POU6F2: variants seen among roughly 807,000 people sequenced by gnomAD.
The protein encoded by POU6F2 is POU class 6 homeobox 2.
Under a neutral mutation model 71.3 loss-of-function variants are expected in POU6F2, and 31 were observed. The observed-to-expected ratio is 0.43, with a 90% CI of 0.33 to 0.59. The LOEUF (loss-of-function observed/expected upper bound fraction) is 0.59. Ranked by LOEUF, POU6F2 falls within the 20% of genes least tolerant of loss-of-function variation. POU6F2 has a pLI of 0.04. For missense variants in POU6F2, 783 were observed against 856.8 expected (o/e 0.91, Z 1.07); for synonymous variants, 347 against 355.7 (o/e 0.98, Z 0.27).
At chr7:39,180,201 T>C (rs1372990928) in intron 2 of POU6F2, among the ~76,000 whole-genome samples, 2 of 152,144 alleles carry the variant, frequency 1.3e-5, no homozygotes, top group African/African-American at 4.8e-5. Flanking sequence ...CCCAGGTGTG[T>C]ATCCATGCAT....
At chr7:39,291,267 T>C (rs1219775748) in intron 4 of POU6F2, among the ~76,000 whole-genome samples, 1 of 152,212 alleles carries the variant, frequency 6.6e-6, no homozygotes, top group Non-Finnish European at 1.5e-5. Flanking sequence ...AGTGAGATTA[T>C]TTGATAGCAT....
intron 4 of POU6F2, among the ~76,000 whole-genome samples, chr7:39,222,652 C>T (rs1794392735): frequency 6.6e-6 from 1 of 152,214 alleles, no homozygotes; most frequent in African/African-American, 2.4e-5. Flanking sequence ...GAAGTGGAAT[C>T]ATATAGTATT....
In POU6F2 at chr7:39,454,696, AT is replaced by A. The variant is rs1583617780; in HGVS notation, c.1489+2996del. ...TATATATATATATATATATATATAT[AT>A]ATATATATATATATATATATATATA... is the stretch of plus-strand genomic sequence containing the variant. On this transcript the variant is annotated intron_variant, in intron 8 of 9. Transcript: ENST00000518318. Among the ~76,000 whole-genome samples, 40 of 54,804 alleles carry A rather than the reference AT, an allele frequency of 7.3e-4. 3 individuals carry two copies. The highest frequency in any genetic ancestry group is 1.1e-3 in the Non-Finnish European group (31 of 27,804). The allele number at this position is 54,804 out of a possible 152,430, so 36.0% of individuals were successfully genotyped here.
chr7:39,151,657 C>G (rs138832194), intron 2 of POU6F2, among the ~76,000 whole-genome samples: 16 of 152,278 alleles, frequency 1.1e-4, no homozygotes, highest in African/African-American at 3.1e-4. Context: ...CTCTTTTCAT[C>G]TAACTCAAAT....
At chr7:39,066,938 G>T (rs1360988521) in intron 1 of POU6F2, among the ~76,000 whole-genome samples, 2 of 146,784 alleles carry the variant, frequency 1.4e-5, no homozygotes, top group Non-Finnish European at 3.0e-5. Flanking sequence ...TAATATAACA[G>T]AAATATACCA....
At chr7:39,303,807 G>A (rs1297150711) in intron 4 of POU6F2, among the ~76,000 whole-genome samples, 1 of 152,224 alleles carries the variant, frequency 6.6e-6, no homozygotes, top group Non-Finnish European at 1.5e-5. Context: ...CTAAGAAATT[G>A]TCTTATTAAT....
At chr7:39,081,914 T>G (rs1405000) in intron 1 of POU6F2, among the ~76,000 whole-genome samples, 100,907 of 152,022 alleles carry the variant, frequency 0.66, 34,118 homozygotes, top group East Asian at 0.89. Flanking sequence ...ATTGGCCAGG[T>G]TTGAAAATGC....
chr7:39,442,507 C>G (rs1198318498), intron 7 of POU6F2, among the ~76,000 whole-genome samples: 1 of 152,184 alleles, frequency 6.6e-6, no homozygotes, highest in Non-Finnish European at 1.5e-5. Context: ...TCTTCCTCAG[C>G]TTTATCCCAA....
intron 2 of POU6F2, among the ~76,000 whole-genome samples, chr7:39,114,593 G>C (rs769666247): frequency 1.3e-5 from 2 of 151,814 alleles, no homozygotes; most frequent in Non-Finnish European, 2.9e-5. Context: ...TTTTTTCTGG[G>C]TAAAAAAGAG....
At chr7:39,307,306 A>G (rs1050138857) in intron 4 of POU6F2, among the ~76,000 whole-genome samples, 26 of 152,254 alleles carry the variant, frequency 1.7e-4, no homozygotes, top group African/African-American at 6.3e-4. Flanking sequence ...TACCAAATTA[A>G]GAATACAAAA....
intron 5 of POU6F2, among the ~76,000 whole-genome samples, chr7:39,373,915 T>TA (rs1272960380): frequency 1.3e-5 from 2 of 152,188 alleles, no homozygotes; most frequent in East Asian, 3.9e-4. Flanking sequence ...TTTTGAAAAA[T>TA]AAAAAGATCT....
At chr7:39,259,966 C>T (rs1460900667) in intron 4 of POU6F2, among the ~76,000 whole-genome samples, 2 of 150,892 alleles carry the variant, frequency 1.3e-5, no homozygotes, top group Non-Finnish European at 3.0e-5. Flanking sequence ...GCACCACACA[C>T]ACACATACAC....
chr7:39,352,981 C>T (rs1786168006), intron 5 of POU6F2, among the ~76,000 whole-genome samples: 1 of 152,148 alleles, frequency 6.6e-6, no homozygotes, highest in Admixed American at 6.5e-5. Flanking sequence ...GATTTAGCTC[C>T]CACCTGTAAG....
chr7:39,064,014 AAGAC>A (rs768833523), intron 1 of POU6F2, among the ~76,000 whole-genome samples: 18 of 152,254 alleles, frequency 1.2e-4, no homozygotes, highest in Admixed American at 3.9e-4. Flanking sequence ...AAATTGCTAA[AAGAC>A]AGATGAGATG....
chr7:39,375,679 A>G (rs1042315887), intron 5 of POU6F2, among the ~76,000 whole-genome samples: 1 of 151,266 alleles, frequency 6.6e-6, no homozygotes, highest in Non-Finnish European at 1.5e-5. Context: ...CAGTGTGGAA[A>G]CTCCTGGGAG....
intron 4 of POU6F2, among the ~76,000 whole-genome samples, chr7:39,309,163 C>T (rs935777993): frequency 1.3e-4 from 20 of 152,112 alleles, no homozygotes; most frequent in African/African-American, 4.1e-4. Flanking sequence ...CAGAATATAG[C>T]GAGAACGAAA....
At chr7:39,108,793 G>A (rs1791746090) in intron 2 of POU6F2, among the ~76,000 whole-genome samples, 2 of 152,128 alleles carry the variant, frequency 1.3e-5, no homozygotes, top group Non-Finnish European at 2.9e-5. Flanking sequence ...GGAGAAGTTT[G>A]TGTATGGAGT....
At chr7:39,265,038 C>T (rs1256515819) in intron 4 of POU6F2, among the ~76,000 whole-genome samples, 1 of 152,096 alleles carries the variant, frequency 6.6e-6, no homozygotes, top group Admixed American at 6.5e-5. Flanking sequence ...AAAATCTGGC[C>T]AGGCAGAGAA....
At chr7:39,427,041 A>T (rs1787989261) in intron 6 of POU6F2, among the ~76,000 whole-genome samples, 1 of 152,226 alleles carries the variant, frequency 6.6e-6, no homozygotes, top group African/African-American at 2.4e-5. Context: ...TTTCCACTTT[A>T]AAAAATATAA....
Sources: gnomAD v4.1 joint callset for allele counts (sites outside exome capture counted in the v4.1 genomes callset) on GRCh38, gnomAD v4.1.1 for gene constraint, MANE v1.5 for transcripts, NCBI Gene and HGNC (gene_info 2026-07-23, HGNC 2026-07-21) for gene names.